Variants in FBXO36 observed in about 807,000 individuals in gnomAD.
FBXO36 encodes F-box protein 36.
Under a neutral mutation model 17.0 loss-of-function variants are expected in FBXO36, and 18 were observed. That is an observed-to-expected ratio of 1.06 (90% CI 0.73 to 1.57). The LOEUF is 1.57. FBXO36 is among the 40% of genes most tolerant of loss of function. The pLI is 0.00. For missense variants in FBXO36, 229 were observed against 221.9 expected, an observed-to-expected ratio of 1.03 and a Z score of -0.20; for synonymous variants, 83 against 85.3, an observed-to-expected ratio of 0.97 and a Z score of 0.15.
chr2:229,965,491 A>T (rs554097510), intron 1 of FBXO36, among the ~76,000 whole-genome samples: 2 of 151,574 alleles, frequency 1.3e-5, no homozygotes, highest in East Asian at 3.9e-4. Flanking sequence ...CATCATTTAC[A>T]TTAGGTATAT....
At chr2:229,979,033 C>T (rs1431154947) in intron 2 of FBXO36, among the ~76,000 whole-genome samples, 2 of 151,536 alleles carry the variant, frequency 1.3e-5, no homozygotes, top group Non-Finnish European at 2.9e-5. Context: ...AAAAATTAGC[C>T]GGGCGTGGGG....
intron 1 of FBXO36, among the ~76,000 whole-genome samples, chr2:229,962,305 A>G (rs1313592856): frequency 6.6e-6 from 1 of 151,930 alleles, no homozygotes; most frequent in Non-Finnish European, 1.5e-5. Context: ...AAATAATTAG[A>G]TAATGAATAA....
intron 1 of FBXO36, among the ~76,000 whole-genome samples, chr2:229,974,893 C>T (rs2077199412): frequency 6.6e-6 from 1 of 152,154 alleles, no homozygotes; most frequent in Non-Finnish European, 1.5e-5. Flanking sequence ...AATGTTGAAG[C>T]TGTAGCCCCC....
At chr2:229,956,281 C>A (rs975130060) in intron 1 of FBXO36, among the ~76,000 whole-genome samples, 1 of 152,230 alleles carries the variant, frequency 6.6e-6, no homozygotes, top group African/African-American at 2.4e-5. Context: ...AGATGGCTGA[C>A]TTCTTGCTGT....
chr2:229,956,101 A>G (rs2106177427), intron 1 of FBXO36, among the ~76,000 whole-genome samples: 1 of 152,340 alleles, frequency 6.6e-6, no homozygotes, highest in African/African-American at 2.4e-5. Flanking sequence ...TATTCTTACA[A>G]TTATCATTTT....
rs763780236 is a variant in FBXO36 at position 229,962,174 on chromosome 2, C to CA, written c.97-14052dup. Among the ~76,000 whole-genome samples, 1,049 of 126,760 alleles carry CA rather than the reference C, an allele frequency of 8.3e-3. 6 individuals carry two copies. Among genetic ancestry groups the CA allele is most frequent in the African/African-American group, 0.025 (843 of 34,082 alleles). 83.2% of individuals were successfully genotyped at this position (126,760 alleles called of 152,430 possible). On this transcript the variant is annotated intron_variant, in intron 1 of 3. Coordinates refer to ENST00000283946, the MANE Select transcript of FBXO36 (RefSeq NM_174899.5). ...GTCCAGCCTGGGTGACAGAGTATCT[C>CA]AAAAAAAAAAAAAAATTAGGTTTTA...
At position 230,012,072 on chromosome 2, in the gene FBXO36, A is replaced by G. The variant is rs764709486; in HGVS notation, c.*1188A>G. On this transcript the variant is annotated 3_prime_UTR_variant, in exon 4 of 4. Transcript: ENST00000283946. ...GAGCAAAGTAGCTTTCTACTTCCACATCACATTATAATATAGCCTTATAAT... is the reference window on the plus strand; with the variant it reads ...GAGCAAAGTAGCTTTCTACTTCCACGTCACATTATAATATAGCCTTATAAT... The G allele has an allele frequency of 1.3e-5, 2 of 152,152 alleles. No individual in the cohort carries two copies. The highest frequency in any genetic ancestry group is 6.5e-5 in the Admixed American group (1 of 15,274). The allele number at this position is 152,152 out of a possible 1,614,324, so 9.4% of individuals were successfully genotyped here.
At chr2:229,924,633 G>A (rs1203089471) in intron 1 of FBXO36, among the ~76,000 whole-genome samples, 1 of 152,018 alleles carries the variant, frequency 6.6e-6, no homozygotes, top group Non-Finnish European at 1.5e-5. Context: ...TGAGTATCTT[G>A]TTACCTTTTT....
intron 1 of FBXO36, among the ~76,000 whole-genome samples, chr2:229,947,035 G>A (rs1156361123): frequency 1.3e-5 from 2 of 152,110 alleles, no homozygotes; most frequent in Non-Finnish European, 2.9e-5. Context: ...GGGCATGGTG[G>A]CAGGTGCCTG....
rs1437122177 is a variant in FBXO36 at position 230,011,869 on chromosome 2, G to A, written c.*985G>A. 2.0e-5 allele frequency: 3 copies of A among 152,118 alleles called. No homozygotes were observed. The highest frequency in any genetic ancestry group is 2.9e-5 in the Non-Finnish European group (2 of 68,034). 9.4% of individuals were successfully genotyped at this position (152,118 alleles called of 1,614,324 possible). ...TTAACTAAGTAAAAATGTAAATATG[G>A]TTTGCATGCTGTTAACATGGCAGAG... On this transcript the variant is annotated 3_prime_UTR_variant, in exon 4 of 4. Transcript: ENST00000283946.
At chr2:229,940,092 A>G (rs562522497) in intron 1 of FBXO36, among the ~76,000 whole-genome samples, 2 of 149,162 alleles carry the variant, frequency 1.3e-5, no homozygotes, top group Non-Finnish European at 3.0e-5. Flanking sequence ...AAAAAATATA[A>G]AAAAAAAAAG....
chr2:229,931,793 C>T (rs1210712496), intron 1 of FBXO36, among the ~76,000 whole-genome samples: 1 of 152,018 alleles, frequency 6.6e-6, no homozygotes, highest in Non-Finnish European at 1.5e-5. Flanking sequence ...GAGCCAAGAT[C>T]GTGCCATTGC....
intron 1 of FBXO36, among the ~76,000 whole-genome samples, chr2:229,945,505 C>T (rs114203888): frequency 0.14 from 21,702 of 151,824 alleles, 1,646 homozygotes; most frequent in Admixed American, 0.2. Flanking sequence ...CGCATTTCAC[C>T]ATGTTGGCCA....
intron 1 of FBXO36, chr2:229,923,256 T>G (rs78865997): frequency 2.2e-5 from 1 of 45,476 alleles, no homozygotes; most frequent in Non-Finnish European, 6.2e-5. Flanking sequence ...TCCACAACAA[T>G]AAGACCGAGG....
intron 2 of FBXO36, among the ~76,000 whole-genome samples, chr2:229,995,534 CTT>C (rs2077320484): frequency 1.3e-5 from 2 of 149,858 alleles, no homozygotes; most frequent in Non-Finnish European, 1.5e-5. Context: ...CTCTTTGCCT[CTT>C]TATATTTTTT....
chr2:229,932,207 C>G (rs2076942216), intron 1 of FBXO36, among the ~76,000 whole-genome samples: 1 of 152,072 alleles, frequency 6.6e-6, no homozygotes, highest in African/African-American at 2.4e-5. Context: ...TGGTGAAACC[C>G]CGTCTCCACT....
At chr2:229,935,551 G>A (rs556594953) in intron 1 of FBXO36, among the ~76,000 whole-genome samples, 7 of 151,936 alleles carry the variant, frequency 4.6e-5, no homozygotes, top group South Asian at 4.2e-4. Context: ...TAATAATATC[G>A]AGCTAGGGAG....
chr2:229,978,801 A>G (rs569160800), intron 2 of FBXO36, among the ~76,000 whole-genome samples: 2 of 152,256 alleles, frequency 1.3e-5, no homozygotes, highest in African/African-American at 4.8e-5. Context: ...TAAGCATTGA[A>G]ACTCAAAAAA....
chr2:229,948,423 C>T (rs2077038598), intron 1 of FBXO36, among the ~76,000 whole-genome samples: 1 of 151,632 alleles, frequency 6.6e-6, no homozygotes, highest in African/African-American at 2.4e-5. Context: ...GTACATTCTT[C>T]CTGTGGCAGA....
Sources: gnomAD v4.1 joint callset for allele counts (sites outside exome capture counted in the v4.1 genomes callset) on GRCh38, gnomAD v4.1.1 for gene constraint, MANE v1.5 for transcripts, NCBI Gene and HGNC (gene_info 2026-07-23, HGNC 2026-07-21) for gene names.